The following KDM6B variants were observed in gnomAD, a reference collection of about 807,000 sequenced individuals.
The protein encoded by KDM6B is lysine-specific demethylase 6B.
KDM6B carries 22 observed loss-of-function variants against 150.4 expected under a neutral mutation model. That is an observed-to-expected ratio of 0.15 (90% confidence interval 0.10 to 0.21). The LOEUF (loss-of-function observed/expected upper bound fraction) is 0.21. KDM6B is among the 10% of genes least tolerant of loss of function. KDM6B has a pLI of 1.00. For missense variants in KDM6B, 1,984 were observed against 2,234.3 expected, an observed-to-expected ratio of 0.89 and a Z score of 2.26; for synonymous variants, 1,148 against 921.1, an observed-to-expected ratio of 1.25 and a Z score of -4.46.
At chr17:7,850,998 C>T (rs1420529494) in intron 14 of KDM6B, 23 bp from the exon 15 acceptor site, 2 of 1,576,320 alleles carry the variant, frequency 1.3e-6, no homozygotes, top group Non-Finnish European at 1.7e-6. Flanking sequence ...TGCCCCGACA[C>T]CCTGCTCGGC....
chr17:7,838,205 G>T (rs1475807581), intron 1 of KDM6B, among the ~76,000 whole-genome samples: 1 of 119,450 alleles, frequency 8.4e-6, no homozygotes, highest in Non-Finnish European at 1.8e-5. Flanking sequence ...AAAGGTTGGG[G>T]TGGGTGGGTG....
chr17:7,848,990 CCCT>C lies in KDM6B; in HGVS notation c.2703_2705del (p.Leu902del), dbSNP rs755422164. The C allele has an allele frequency of 2.9e-5, 46 of 1,585,606 alleles. No individual in the cohort carries two copies. The African/African-American group carries it at 4.6e-4, about 16-fold the overall frequency. On this transcript the variant is annotated inframe_deletion, in exon 12 of 24. Transcript: ENST00000448097. ...ATGACCCCCACCCAACCGCCCCCAC[CCCT>C]ATCTCTGCCCCCTGCTCGCTCTGAG... is the stretch of plus-strand genomic sequence containing the variant.
chr17:7,846,966 G>A lies in KDM6B; in HGVS notation c.859G>A (p.Gly287Arg), dbSNP rs1195548518. 3.4e-6 allele frequency: 5 copies of A among 1,488,562 alleles called. No individual in the cohort carries two copies. Among genetic ancestry groups the A allele is most frequent in the East Asian group, 2.6e-5 (1 of 38,272 alleles). The allele number at this position is 1,488,562 out of a possible 1,614,324, so 92.2% of individuals were successfully genotyped here. A position where few individuals can be genotyped will look rare whatever the true frequency, so the allele number is the denominator to read the frequency against. Reference protein sequence around the residue: ...TKPGLWSTLHGDAWGPERKGS... With the variant: ...TKPGLWSTLHRDAWGPERKGS... ...GCCAGGGCTGTGGAGTACCCTGCAT[G>A]GAGATGCCTGGGGCCCAGAGCGCAA... The change falls in exon 10 of 24, where the codon GGA (glycine) becomes AGA (arginine). Residue 287 changes from glycine (G) to arginine (R), a missense_variant. By Grantham distance (125) the Gly-to-Arg change is moderately radical. Transcript: ENST00000448097.
At chr17:7,851,827 G>A (rs1421491389) in intron 18 of KDM6B, 31 bp downstream of exon 18, 1 of 1,557,006 alleles carries the variant, frequency 6.4e-7, no homozygotes, top group African/African-American at 1.4e-5. Flanking sequence ...CGCTGATGCT[G>A]GAAGCGCGAG....
rs1324979377 is a variant in KDM6B at position 7,846,851 on chromosome 17, A to T, written c.744A>T (p.Pro248=). ...TGLPPGLPLP[P]PPLPPPPPPP... ...TTCCCCCAGGGCTGCCACTGCCTCC[A>T]CCACCATTACCACCACCACCACCAC... Residue 248 remains proline (P), a synonymous_variant, in exon 10 of 24, where the codon CCA becomes CCT. Coordinates refer to ENST00000448097, the MANE Select transcript of KDM6B (RefSeq NM_001348716.2). 1 of 1,580,164 alleles carries T rather than the reference A, an allele frequency of 6.3e-7. No individual in the cohort carries two copies. Among genetic ancestry groups the T allele is most frequent in the Non-Finnish European group, 8.5e-7 (1 of 1,171,534 alleles).
In KDM6B at chr17:7,847,725, C is replaced by T; in HGVS notation, c.1437C>T (p.Pro479=). 1 of 1,542,360 alleles carries T rather than the reference C, an allele frequency of 6.5e-7. No individual in the cohort carries two copies. The highest frequency in any genetic ancestry group is 8.7e-7 in the Non-Finnish European group (1 of 1,143,738). Residue 479 remains proline, a synonymous_variant, in exon 12 of 24, where the codon CCC becomes CCT. Transcript: ENST00000448097. The part of the protein sequence containing the change: ...PPPPCPRLLR[P]PPPPAWLKGP... ...CCCCCTGTCCCCGCCTCTTACGCCC[C>T]CCACCACCCCCTGCCTGGTTGAAGG...
rs758485881 is a variant in KDM6B at position 7,847,002 on chromosome 17, C to T, written c.895C>T (p.Pro299Ser). 2.5e-6 allele frequency: 4 copies of T among 1,613,444 alleles called. No individual in the cohort carries two copies. The highest frequency in any genetic ancestry group is 3.4e-6 in the Non-Finnish European group (4 of 1,179,864). Residue 299 changes from proline to serine, a missense_variant, in exon 10 of 24, where the codon CCC (proline) becomes TCC (serine). By Grantham distance (74) the Pro-to-Ser change is moderately conservative (BLOSUM62 -1). Transcript: ENST00000448097. ...GGGCCCAGAGCGCAAGGGTTCAGCA[C>T]CCCCAGAGCGCCAGGTGAGCCCCTG... ...AWGPERKGSA[P>S]PERQEQRHSL...
Position 7,849,043 on chromosome 17 carries a change from C to T in KDM6B, c.2755C>T (p.Arg919Trp), listed in dbSNP as rs765488203. ...SESEVLEEIS[R>W]ACETLVERVG... ...GTCTGAGGTGCTAGAAGAGATCAGC[C>T]GGGCTTGCGAGACCCTTGTGGAGCG... Residue 919 changes from arginine to tryptophan, a missense_variant, in exon 12 of 24, where the codon CGG becomes TGG. Arg to Trp is a moderately radical substitution (Grantham distance 101). This residue lies in a region of KDM6B where 1,379 missense variants were observed against 1,275.6 expected (regional missense o/e 1.08). Transcript: ENST00000448097. 54 of 1,611,012 alleles carry T rather than the reference C, an allele frequency of 3.4e-5. No individual in the cohort carries two copies. The highest frequency in any genetic ancestry group is 6.7e-5 in the African/African-American group (5 of 74,878).
intron 6 of KDM6B, 32 bp from the exon 7 acceptor site, chr17:7,846,046 C>A (rs1452218585): frequency 4.6e-6 from 6 of 1,315,624 alleles, no homozygotes; most frequent in Non-Finnish European, 5.4e-6. Context: ...AGCCCAACCC[C>A]CACCCACACC....
chr17:7,851,364 A>C lies in KDM6B; in HGVS notation c.3914A>C (p.Glu1305Ala), dbSNP rs942186774. Residue 1305 changes from glutamate to alanine, a missense_variant, in exon 16 of 24, where the codon GAG (glutamate) becomes GCG (alanine). By Grantham distance (107) the Glu-to-Ala change is moderately radical (BLOSUM62 -1). This residue lies in a region of KDM6B where 41 missense variants were observed against 38.4 expected (regional missense o/e 1.07). Transcript: ENST00000448097. ...GAGAGTGAGGATGAGGAGTCAGAGGAGCCAGACAGCACCACTGGAACCCCT... is the reference window on the plus strand; with the variant it reads ...GAGAGTGAGGATGAGGAGTCAGAGGCGCCAGACAGCACCACTGGAACCCCT... The part of the protein sequence containing the change: ...EKESEDEESE[E>A]PDSTTGTPPS... The C allele has an allele frequency of 1.9e-6, 3 of 1,614,130 alleles. No homozygotes were observed. The highest frequency in any genetic ancestry group is 2.5e-6 in the Non-Finnish European group (3 of 1,180,028).
Position 7,848,510 on chromosome 17 carries a change from C to T in KDM6B, c.2222C>T (p.Ala741Val), listed in dbSNP as rs774743194. The T allele has an allele frequency of 2.5e-6, 4 of 1,611,608 alleles. No individual in the cohort carries two copies. The highest frequency in any genetic ancestry group is 1.3e-5 in the African/African-American group (1 of 74,744). ...CAGTCTCCTTTCCCCACCGACACAG[C>T]CCCCACCACTACTGCTCCTGCTGTC... ...SLQSPFPTDT[A>V]PTTTAPAVAV... The change falls in exon 12 of 24, where the codon GCC (alanine) becomes GTC (valine). Residue 741 changes from alanine (A) to valine (V), a missense_variant. Transcript: ENST00000448097.
Position 7,853,494 on chromosome 17 carries a change from C to A in KDM6B, c.4909-4C>A, listed in dbSNP as rs899096566. 1 of 1,508,458 alleles carries A rather than the reference C, an allele frequency of 6.6e-7. No individual in the cohort carries two copies. The highest frequency in any genetic ancestry group is 8.8e-7 in the Non-Finnish European group (1 of 1,135,380). 93.4% of individuals were successfully genotyped at this position (1,508,458 alleles called of 1,614,324 possible). A position where few individuals can be genotyped will look rare whatever the true frequency, so the allele number is the denominator to read the frequency against. On this transcript the variant is annotated splice_region_variant and splice_polypyrimidine_tract_variant and intron_variant, in intron 23 of 23. Transcript: ENST00000448097. Reference sequence around the variant, plus strand: ...CTGAGCCCCCGCCGGCTTTCTCCCCCCAGGCCCCAGCCAGCACGTCGCGAT... The same window carrying A: ...CTGAGCCCCCGCCGGCTTTCTCCCCACAGGCCCCAGCCAGCACGTCGCGAT...
intron 7 of KDM6B, 29 bp from the exon 8 acceptor site, chr17:7,846,371 G>GGGGGGGGGCCCGGGGCCCCCCCC: frequency 1.3e-6 from 2 of 1,488,910 alleles, no homozygotes; most frequent in Non-Finnish European, 1.8e-6. Flanking sequence ...CCTGACATCT[G>GGGGGGGGGCCCGGGGCCCCCCCC]CCCCTGCCCC....
chr17:7,844,992 CGG>C lies in KDM6B; in HGVS notation c.-176_-175del. 5.7e-6 allele frequency: 1 copy of C among 175,208 alleles called. No homozygotes were observed. The highest frequency in any genetic ancestry group is 5.6e-5 in the Admixed American group (1 of 17,702). The allele number at this position is 175,208 out of a possible 1,614,324, so 10.9% of individuals were successfully genotyped here. ...GCCAGATCTCTGGAGCTTGCCGACG[CGG>C]TGTGAGGACGCTCCCACGGAGGCCG... On this transcript the variant is annotated 5_prime_UTR_variant, in exon 3 of 24. Coordinates refer to ENST00000448097, the MANE Select transcript of KDM6B (RefSeq NM_001348716.2). This position sits in a 1 kb window ranked among gnomAD's most constrained non-coding sequence, Gnocchi z 5.9.
At position 7,847,825 on chromosome 17, in the gene KDM6B, C is replaced by CCCCCCG; in HGVS notation, c.1537_1538insCCCCCG (p.Arg513delinsProProGly). ...CTTCTTTGGGACTGAGGGACCCCCC[C>CCCCCCG]GCCCTGCCCCACCACCCCTCCCCCA... On this transcript the variant is annotated protein_altering_variant, in exon 12 of 24. Transcript: ENST00000448097. 1 of 1,533,428 alleles carries CCCCCCG rather than the reference C, an allele frequency of 6.5e-7. No individual in the cohort carries two copies. The highest frequency in any genetic ancestry group is 8.8e-7 in the Non-Finnish European group (1 of 1,133,378). 95.0% of individuals were successfully genotyped at this position (1,533,428 alleles called of 1,614,324 possible).
chr17:7,849,449 C>T lies in KDM6B; in HGVS notation c.3161C>T (p.Ser1054Leu). 1 of 1,612,598 alleles carries T rather than the reference C, an allele frequency of 6.2e-7. No homozygotes were observed. Among genetic ancestry groups the T allele is most frequent in the Non-Finnish European group, 8.5e-7 (1 of 1,179,836 alleles). Reference sequence around the variant, plus strand: ...CCACCCACAGCTCCAGCCCCTCCATCAGCTCCTGCACCTTCTGCCCAGCCC... The same window carrying T: ...CCACCCACAGCTCCAGCCCCTCCATTAGCTCCTGCACCTTCTGCCCAGCCC... ...AKPPTAPAPP[S>L]APAPSAQPTP... Residue 1054 changes from serine (S) to leucine (L), a missense_variant, in exon 12 of 24, where the codon TCA (serine) becomes TTA (leucine). Ser to Leu is a moderately radical substitution (Grantham distance 145). Around this residue, in one of 13 missense-constraint regions of KDM6B, gnomAD observed 1,379 missense variants for 1,275.6 expected, o/e 1.08. Coordinates refer to ENST00000448097, the MANE Select transcript of KDM6B (RefSeq NM_001348716.2).
intron 10 of KDM6B, 43 bp from the exon 11 acceptor site, chr17:7,847,062 C>G: frequency 6.2e-7 from 1 of 1,610,262 alleles, no homozygotes; most frequent in Non-Finnish European, 8.5e-7. Flanking sequence ...ACAAGTCCCA[C>G]GCTCTCTATT....
In KDM6B at chr17:7,851,477, G is replaced by C; in HGVS notation, c.3945-1G>C. The C allele has an allele frequency of 6.2e-7, 1 of 1,614,200 alleles. No homozygotes were observed. The highest frequency in any genetic ancestry group is 2.2e-5 in the East Asian group (1 of 44,888). On this transcript the variant is annotated splice_acceptor_variant, in intron 16 of 23. Coordinates refer to ENST00000448097, the MANE Select transcript of KDM6B (RefSeq NM_001348716.2). LOFTEE classifies it high-confidence loss of function. ...CCAACCTGTGCTCTTCGCCCCAGCA[G>C]CAGCGCACCAGACCCGAAGAACCAT... is the stretch of plus-strand genomic sequence containing the variant.
chr17:7,847,214 G>GC lies in KDM6B; in HGVS notation c.1025dup (p.Gly343ArgfsTer17). The GC allele has an allele frequency of 1.0e-6, 1 of 965,092 alleles. No homozygotes were observed. The highest frequency in any genetic ancestry group is 1.3e-6 in the Non-Finnish European group (1 of 747,922). The allele number at this position is 965,092 out of a possible 1,614,324, so 59.8% of individuals were successfully genotyped here. A position where few individuals can be genotyped will look rare whatever the true frequency, so the allele number is the denominator to read the frequency against. On this transcript the variant is annotated frameshift_variant, in exon 11 of 24. Coordinates refer to ENST00000448097, the MANE Select transcript of KDM6B (RefSeq NM_001348716.2). LOFTEE classifies it high-confidence loss of function. ...GCTGCTCCCCCAGGCCCAGGCCCCC[G>GC]CCCCCCAGGAGCAGAGAGCCATGGC... is the stretch of plus-strand genomic sequence containing the variant.
Sources: gnomAD v4.1 joint callset for allele counts (sites outside exome capture counted in the v4.1 genomes callset) on GRCh38, gnomAD v4.1.1 for gene constraint, gnomAD v4.1.1 regional missense constraint, Gnocchi (gnomAD v3.1) non-coding constraint, MANE v1.5 for transcripts, NCBI Gene and HGNC (gene_info 2026-07-23, HGNC 2026-07-21) for gene names.